The following ZNF485 variants were observed in gnomAD, a reference collection of about 807,000 sequenced individuals.
ZNF485 encodes zinc finger protein 485.
In ZNF485, 9 loss-of-function variants were observed where a neutral mutation model predicts 10.8. The observed-to-expected ratio is 0.83, with a 90% CI of 0.50 to 1.45. ZNF485 has a LOEUF of 1.45. ZNF485 is among the 40% of genes most tolerant of loss of function. The pLI is 0.00. For missense variants in ZNF485, 487 were observed against 528.0 expected, an observed-to-expected ratio of 0.92 and a Z score of 0.76; for synonymous variants, 187 against 181.0, an observed-to-expected ratio of 1.03 and a Z score of -0.27.
At chr10:43,611,925 A>G (rs1010808538) in intron 4 of ZNF485, among the ~76,000 whole-genome samples, 1 of 152,124 alleles carries the variant, frequency 6.6e-6, no homozygotes, top group African/African-American at 2.4e-5. Context: ...GATTTTTTTT[A>G]AAAGTTTGTT....
chr10:43,610,520 T>C (rs568795454), intron 4 of ZNF485, among the ~76,000 whole-genome samples: 3 of 152,350 alleles, frequency 2.0e-5, no homozygotes, highest in East Asian at 1.9e-4. Flanking sequence ...TAAATTCTTG[T>C]GTAGATTCTT....
rs772458396 is a variant in ZNF485, at chr10:43,616,931, G to A, written c.888G>A (p.Lys296=). ...LEHQKIHTGE[K]PYQCNECGKA... The stretch of plus-strand genomic sequence containing the variant: ...ATCAGAAAATCCATACTGGTGAGAA[G>A]CCATATCAGTGTAATGAATGTGGAA... The change falls in exon 5 of 5, where the codon AAG becomes AAA. Residue 296 remains lysine, a synonymous_variant. Transcript: ENST00000361807. The A allele has an allele frequency of 6.8e-6, 11 of 1,614,110 alleles. No individual in the cohort carries two copies. The South Asian group carries it at 1.2e-4, about 18-fold the overall frequency.
At chr10:43,616,211 C>T (rs1050736919) in intron 4 of ZNF485, 80 bp from the exon 5 acceptor site, 8 of 1,156,974 alleles carry the variant, frequency 6.9e-6, no homozygotes, top group African/African-American at 1.5e-5. Flanking sequence ...TAGAATAGAA[C>T]ATTATTCAAG....
chr10:43,610,526 TTC>T (rs1838749073), intron 4 of ZNF485, among the ~76,000 whole-genome samples: 1 of 152,048 alleles, frequency 6.6e-6, no homozygotes. Flanking sequence ...CTTGTGTAGA[TTC>T]TTTATATAGT....
rs1168878614 is a variant in ZNF485, at chr10:43,616,359, G to A, written c.316G>A (p.Gly106Arg). The change falls in exon 5 of 5, where the codon GGA becomes AGA. Residue 106 changes from glycine (G) to arginine (R), a missense_variant. Coordinates refer to ENST00000361807, the MANE Select transcript of ZNF485 (RefSeq NM_145312.4). ...KQSTSEASVL[G>R]ERTKSVMMEK... ...AAGCACTTCTGAAGCATCTGTTCTG[G>A]GAGAGCGAACGAAAAGTGTCATGAT... The A allele has an allele frequency of 4.3e-6, 7 of 1,613,794 alleles. No homozygotes were observed. In the East Asian group the frequency reaches 1.1e-4, roughly 26 times the overall value.
chr10:43,614,192 C>T (rs1164788331), intron 4 of ZNF485, among the ~76,000 whole-genome samples: 7 of 148,858 alleles, frequency 4.7e-5, no homozygotes, highest in African/African-American at 1.2e-4. Flanking sequence ...TCAGCCTGGG[C>T]GACAGAGTGA....
intron 4 of ZNF485, among the ~76,000 whole-genome samples, chr10:43,614,549 C>G (rs1328848106): frequency 6.6e-6 from 1 of 152,168 alleles, no homozygotes; most frequent in Non-Finnish European, 1.5e-5. Flanking sequence ...CTGCCTCAGC[C>G]TCCCAAAGTG....
chr10:43,612,554 AT>A (rs1838786188), intron 4 of ZNF485, among the ~76,000 whole-genome samples: 1 of 152,188 alleles, frequency 6.6e-6, no homozygotes, highest in Admixed American at 6.5e-5. Context: ...ACTTGTCCAA[AT>A]AGATTTTCTC....
chr10:43,609,222 TCTTCCTCTAAGATCC>T lies in ZNF485; in HGVS notation c.152-32_152-18del, dbSNP rs1588839226. On this transcript the variant is annotated intron_variant, in intron 3 of 4. Transcript: ENST00000361807. ...CATTCCTTTTCATTCATTTTTTTTT[TCTTCCTCTAAGATCC>T]TTTTTCTTTATGAACAGGGCTTCTC... is the stretch of plus-strand genomic sequence containing the variant. 5 of 1,542,088 alleles carry T rather than the reference TCTTCCTCTAAGATCC, an allele frequency of 3.2e-6. No individual in the cohort carries two copies. The highest frequency in any genetic ancestry group is 3.5e-5 in the Admixed American group (2 of 56,606).
chr10:43,610,083 A>G (rs544610050), intron 4 of ZNF485, among the ~76,000 whole-genome samples: 2 of 152,266 alleles, frequency 1.3e-5, no homozygotes, highest in African/African-American at 4.8e-5. Flanking sequence ...AAACATAAGC[A>G]TGGTTTTTTA....
intron 4 of ZNF485, among the ~76,000 whole-genome samples, chr10:43,614,377 T>C (rs1838818117): frequency 6.6e-6 from 1 of 152,184 alleles, no homozygotes; most frequent in Admixed American, 6.5e-5. Flanking sequence ...TCTTCCTTTT[T>C]CTGGGCTCAA....
chr10:43,617,256 A>T lies in ZNF485; in HGVS notation c.1213A>T (p.Thr405Ser). The T allele has an allele frequency of 6.2e-7, 1 of 1,614,012 alleles. No homozygotes were observed. Among genetic ancestry groups the T allele is most frequent in the Non-Finnish European group, 8.5e-7 (1 of 1,179,964 alleles). ...SGLVEHQRLH[T>S]GEKPYKCNEC... ...CCTTGTTGAACATCAGAGACTCCAT[A>T]CTGGGGAAAAACCTTATAAATGTAA... Residue 405 changes from threonine to serine, a missense_variant, in exon 5 of 5, where the codon ACT becomes TCT. Thr to Ser is a moderately conservative substitution (Grantham distance 58, BLOSUM62 1). Transcript: ENST00000361807.
chr10:43,609,145 T>A, intron 3 of ZNF485, 110 bp from the exon 4 acceptor site: 1 of 816,958 alleles, frequency 1.2e-6, no homozygotes, highest in Non-Finnish European at 2.0e-6. Context: ...TTGCAGATGC[T>A]CAAGTTGACA....
At chr10:43,609,118 T>C in intron 3 of ZNF485, 137 bp from the exon 4 acceptor site, 1 of 691,152 alleles carries the variant, frequency 1.4e-6, no homozygotes, top group Admixed American at 2.8e-5. Flanking sequence ...TAGGCCTCTC[T>C]GACCTGTCCA....
chr10:43,607,223 C>G, intron 2 of ZNF485, 149 bp downstream of exon 2: 4 of 862,602 alleles, frequency 4.6e-6, no homozygotes, highest in Non-Finnish European at 7.5e-6. Context: ...TCCTGTCTAC[C>G]CATTACGTAG....
Position 43,617,346 on chromosome 10 carries a change from G to C in ZNF485, c.1303G>C (p.Glu435Gln), listed in dbSNP as rs763121102. 1 of 1,559,062 alleles carries C rather than the reference G, an allele frequency of 6.4e-7. No individual in the cohort carries two copies. ...GCAACATAAGAAAATTCATAATAAA[G>C]AAAGAGCCATGAAATGTAGTTAGTG... is the stretch of plus-strand genomic sequence containing the variant. ...LKQHKKIHNK[E>Q]RAMKCS Residue 435 changes from glutamate (E) to glutamine (Q), a missense_variant, in exon 5 of 5, where the codon GAA becomes CAA. Transcript: ENST00000361807.
chr10:43,608,625 A>T lies in ZNF485; in HGVS notation c.36A>T (p.Thr12=). Residue 12 remains threonine (T), a synonymous_variant, in exon 3 of 5, where the codon ACA becomes ACT. Transcript: ENST00000361807. ...GTTTGGTTTTGCAGGGACCGCTGAC[A>T]TTTGGGGATGTGGCTGTGGCCTTTA... is the stretch of plus-strand genomic sequence containing the variant. The part of the protein sequence containing the change: ...APRAQIQGPL[T]FGDVAVAFTR... The T allele has an allele frequency of 6.2e-7, 1 of 1,613,724 alleles. No individual in the cohort carries two copies. The highest frequency in any genetic ancestry group is 8.5e-7 in the Non-Finnish European group (1 of 1,179,728).
chr10:43,607,187 A>C, intron 2 of ZNF485, 113 bp downstream of exon 2: 2 of 1,273,552 alleles, frequency 1.6e-6, no homozygotes, highest in African/African-American at 1.5e-5. Flanking sequence ...ACCCGAACCA[A>C]TCCTGGATGG....
chr10:43,609,596 G>A (rs10899836), intron 4 of ZNF485, among the ~76,000 whole-genome samples: 24,193 of 152,184 alleles, frequency 0.16, 2,202 homozygotes, highest in East Asian at 0.37. Context: ...AAATCCTCAA[G>A]CTCTTTATGT....
Sources: allele counts gnomAD v4.1 joint callset (sites outside exome capture counted in the v4.1 genomes callset), GRCh38; gene constraint gnomAD v4.1.1; transcripts MANE v1.5; gene names NCBI Gene and HGNC (gene_info 2026-07-23, HGNC 2026-07-21).